The following ZNF665 variants were observed in gnomAD, a reference collection of about 807,000 sequenced individuals.
The protein encoded by ZNF665 is zinc finger protein 665.
A neutral mutation model predicts 7.9 loss-of-function variants in ZNF665; 6 were observed. The ratio of observed to expected loss-of-function variants is 0.76; its 90% CI spans 0.42 to 1.50. ZNF665 has a LOEUF of 1.50. Ranked by LOEUF, ZNF665 falls within the 40% of genes most tolerant of loss-of-function variation. The pLI is 0.01. For synonymous variants in ZNF665, 242 were observed against 274.5 expected, an observed-to-expected ratio of 0.88 and a Z score of 1.17; for missense variants, 819 against 806.7, an observed-to-expected ratio of 1.02 and a Z score of -0.18.
Position 53,166,177 on chromosome 19 carries a change from C to A in ZNF665, c.313G>T (p.Asp105Tyr). 1 of 1,613,928 alleles carries A rather than the reference C, an allele frequency of 6.2e-7. No individual in the cohort carries two copies. Among genetic ancestry groups the A allele is most frequent in the Non-Finnish European group, 8.5e-7 (1 of 1,179,882 alleles). Residue 105 changes from aspartate to tyrosine, a missense_variant, in exon 4 of 4, where the codon GAT becomes TAT. Asp to Tyr is a radical substitution (Grantham distance 160). Transcript: ENST00000396424. ...AGTACTGTTTTATAATTTCCTTCATCATCTTTCCACTGACACTCAAAGTCG... is the reference window on the plus strand; with the variant it reads ...AGTACTGTTTTATAATTTCCTTCATAATCTTTCCACTGACACTCAAAGTCG... ...TYDFECQWKD[D>Y]EGNYKTVLML...
chr19:53,168,190 A>G (rs1013431619), intron 3 of ZNF665, among the ~76,000 whole-genome samples: 10 of 151,992 alleles, frequency 6.6e-5, no homozygotes, highest in Admixed American at 2.6e-4. Context: ...TGCAGATAAC[A>G]TAATCATCCT....
chr19:53,192,636 C>G (rs372803430), intron 1 of ZNF665, among the ~76,000 whole-genome samples: 11 of 152,282 alleles, frequency 7.2e-5, no homozygotes, highest in African/African-American at 2.6e-4. Flanking sequence ...TTTCTCTCAG[C>G]CCCCCTCTCT....
chr19:53,178,749 C>A (rs2090716013), intron 2 of ZNF665, among the ~76,000 whole-genome samples: 1 of 151,974 alleles, frequency 6.6e-6, no homozygotes, highest in South Asian at 2.1e-4. Context: ...CAGGGGTAAG[C>A]AAATTTAAAC....
At chr19:53,189,061 G>GTCTGTGTGTGTGTGTA (rs775791252) in intron 1 of ZNF665, among the ~76,000 whole-genome samples, 1 of 150,374 alleles carries the variant, frequency 6.7e-6, no homozygotes. Flanking sequence ...CTGTGTGTGT[G>GTCTGTGTGTGTGTGTA]TGTGTGTGTG....
rs201812746 is a variant in ZNF665 at position 53,182,868 on chromosome 19, G to C, written c.15+16C>G. The C allele has an allele frequency of 3.1e-6, 5 of 1,613,100 alleles. No individual in the cohort carries two copies. The highest frequency in any genetic ancestry group is 2.2e-5 in the East Asian group (1 of 44,864). ...AAGGAAGGAGACAGAACAATCCACC[G>C]AGAATATCATCTCACCTGAGGAAGA... On this transcript the variant is annotated intron_variant, in intron 2 of 3. Transcript: ENST00000396424.
chr19:53,164,875 G>T lies in ZNF665; in HGVS notation c.1615C>A (p.Gln539Lys), dbSNP rs1266609511. 2 of 1,613,732 alleles carry T rather than the reference G, an allele frequency of 1.2e-6. No homozygotes were observed. The highest frequency in any genetic ancestry group is 1.7e-6 in the Non-Finnish European group (2 of 1,179,970). Residue 539 changes from glutamine to lysine, a missense_variant, in exon 4 of 4, where the codon CAA becomes AAA. Transcript: ENST00000396424. ...LTIHQTIHTG[Q>K]KPYKCNDCGK... ...CAATCATTACATTTGTATGGTTTTTGTCCAGTATGTATTGTCTGATGTATA... is the reference window on the plus strand; with the variant it reads ...CAATCATTACATTTGTATGGTTTTTTTCCAGTATGTATTGTCTGATGTATA...
chr19:53,164,856 T>A lies in ZNF665; in HGVS notation c.1634A>T (p.Asn545Ile), dbSNP rs761041858. ...GTGTCTGAAGACCTTGCCGCAATCA[T>A]TACATTTGTATGGTTTTTGTCCAGT... is the stretch of plus-strand genomic sequence containing the variant. ...IHTGQKPYKC[N>I]DCGKVFRHNS... The change falls in exon 4 of 4, where the codon AAT (asparagine) becomes ATT (isoleucine). Residue 545 changes from asparagine to isoleucine, a missense_variant. Coordinates refer to ENST00000396424, the MANE Select transcript of ZNF665 (RefSeq NM_024733.5). The A allele has an allele frequency of 6.2e-7, 1 of 1,614,202 alleles. No individual in the cohort carries two copies. The highest frequency in any genetic ancestry group is 1.1e-5 in the South Asian group (1 of 91,076).
chr19:53,165,314 A>C lies in ZNF665; in HGVS notation c.1176T>G (p.His392Gln). 1 of 1,613,406 alleles carries C rather than the reference A, an allele frequency of 6.2e-7. No individual in the cohort carries two copies. Among genetic ancestry groups the C allele is most frequent in the Non-Finnish European group, 8.5e-7 (1 of 1,179,600 alleles). The change falls in exon 4 of 4, where the codon CAT becomes CAG. Residue 392 changes from histidine to glutamine, a missense_variant. Physicochemically the swap from His to Gln is conservative, Grantham distance 24. Coordinates refer to ENST00000396424, the MANE Select transcript of ZNF665 (RefSeq NM_024733.5). ...AFSMHSNLTK[H>Q]QIIHTGEKPF... ...GCTTTTCTCCGGTATGGATGATCTGATGCTTAGTTAAGTTTGAATGCATAC... is the reference window on the plus strand; with the variant it reads ...GCTTTTCTCCGGTATGGATGATCTGCTGCTTAGTTAAGTTTGAATGCATAC...
At position 53,163,641 on chromosome 19, in the gene ZNF665, T is replaced by C. The variant is rs1337832811; in HGVS notation, c.*812A>G. On this transcript the variant is annotated 3_prime_UTR_variant, in exon 4 of 4. Transcript: ENST00000396424. The stretch of plus-strand genomic sequence containing the variant: ...CAAAGTTCTGGTTGGAAGTTATAAA[T>C]AGTAGCCTTTTCAATAAATCTTAAA... The C allele has an allele frequency of 6.6e-6, 1 of 152,204 alleles. No homozygotes were observed. 9.4% of individuals were successfully genotyped at this position (152,204 alleles called of 1,614,324 possible). A position where few individuals can be genotyped will look rare whatever the true frequency, so the allele number is the denominator to read the frequency against.
At chr19:53,182,860 A>C in intron 2 of ZNF665, 24 bp downstream of exon 2, 1 of 1,612,342 alleles carries the variant, frequency 6.2e-7, no homozygotes, top group African/African-American at 1.3e-5. Context: ...GAGACAGAAC[A>C]ATCCACCGAG....
At chr19:53,171,524 A>ATAT (rs372855271) in intron 3 of ZNF665, among the ~76,000 whole-genome samples, 2,640 of 69,474 alleles carry the variant, frequency 0.038, 104 homozygotes, top group Non-Finnish European at 0.056. Flanking sequence ...ATATATATAT[A>ATAT]TTTTTTTTTT....
intron 3 of ZNF665, among the ~76,000 whole-genome samples, chr19:53,168,771 G>C (rs956895329): frequency 6.6e-6 from 1 of 152,178 alleles, no homozygotes; most frequent in East Asian, 1.9e-4. Context: ...GAATGAAATA[G>C]AGAATACTGA....
chr19:53,183,862 A>C (rs149371215), intron 1 of ZNF665, among the ~76,000 whole-genome samples: 1,556 of 152,228 alleles, frequency 0.01, 16 homozygotes, highest in South Asian at 0.043. Flanking sequence ...CAGAGGGAGC[A>C]AGGAGGCACA....
intron 2 of ZNF665, among the ~76,000 whole-genome samples, chr19:53,180,448 A>G (rs2090730056): frequency 6.6e-6 from 1 of 152,026 alleles, no homozygotes; most frequent in Non-Finnish European, 1.5e-5. Context: ...AAAAAAAGAC[A>G]GTGGAGAACA....
intron 2 of ZNF665, chr19:53,181,021 A>C (rs2090734028): frequency 6.6e-6 from 1 of 152,216 alleles, no homozygotes; most frequent in East Asian, 1.9e-4. Flanking sequence ...AAATCAGTCC[A>C]AAAAGGAAAT....
chr19:53,182,778 A>C, intron 2 of ZNF665, 106 bp downstream of exon 2: 1 of 1,569,418 alleles, frequency 6.4e-7, no homozygotes, highest in Non-Finnish European at 8.8e-7. Context: ...AGTGCGAGCA[A>C]ACCTGTCAGG....
chr19:53,165,271 A>C lies in ZNF665; in HGVS notation c.1219T>G (p.Cys407Gly). The change falls in exon 4 of 4, where the codon TGC becomes GGC. Residue 407 changes from cysteine (C) to glycine (G), a missense_variant. Coordinates refer to ENST00000396424, the MANE Select transcript of ZNF665 (RefSeq NM_024733.5). Reference protein sequence around the residue: ...TGEKPFKCNECVKVFTQYSHL... With the variant: ...TGEKPFKCNEGVKVFTQYSHL... Reference sequence around the variant, plus strand: ...GAATACTGAGTGAAAACCTTGACGCATTCATTACATTTGAAAGGCTTTTCT... The same window carrying C: ...GAATACTGAGTGAAAACCTTGACGCCTTCATTACATTTGAAAGGCTTTTCT... 6.2e-7 allele frequency: 1 copy of C among 1,613,252 alleles called. No individual in the cohort carries two copies.
At chr19:53,190,998 G>A (rs947224521) in intron 1 of ZNF665, among the ~76,000 whole-genome samples, 3 of 138,258 alleles carry the variant, frequency 2.2e-5, no homozygotes, top group South Asian at 2.1e-4. Context: ...TGAGTTCTAT[G>A]AGCTGCTCTG....
rs201056861 is a variant in ZNF665 at position 53,166,141 on chromosome 19, T to C, written c.349A>G (p.Lys117Glu). 99 of 1,613,834 alleles carry C rather than the reference T, an allele frequency of 6.1e-5. No homozygotes were observed. The African/African-American group carries it at 1.2e-3, about 19-fold the overall frequency. The change falls in exon 4 of 4, where the codon AAA (lysine) becomes GAA (glutamate). Residue 117 changes from lysine (K) to glutamate (E), a missense_variant. By Grantham distance (56) the Lys-to-Glu change is moderately conservative. Transcript: ENST00000396424. ...GNYKTVLMLQKENLPGRRAQR... is the reference protein window; with the variant it reads ...GNYKTVLMLQEENLPGRRAQR... ...GCTCTTCTACCAGGGAGATTTTCTT[T>C]TTGCAACATAAGTACTGTTTTATAA... is the stretch of plus-strand genomic sequence containing the variant.
Sources: allele counts gnomAD v4.1 joint callset (sites outside exome capture counted in the v4.1 genomes callset), GRCh38; gene constraint gnomAD v4.1.1; transcripts MANE v1.5; gene names NCBI Gene and HGNC (gene_info 2026-07-23, HGNC 2026-07-21).